Variants in C4orf17 observed in about 807,000 individuals in gnomAD.
The protein encoded by C4orf17 is uncharacterized protein C4orf17.
C4orf17 carries 25 observed loss-of-function variants against 32.0 expected under a neutral mutation model. That is an observed-to-expected ratio of 0.78 (90% CI 0.57 to 1.09). The LOEUF is 1.09. Among genes scored for constraint, C4orf17 ranks in the 50% least tolerant of loss-of-function variants. C4orf17 has a pLI of 0.00. For synonymous variants in C4orf17, 149 were observed against 145.8 expected (o/e 1.02, Z -0.16); for missense variants, 420 against 420.0 (o/e 1.00, Z 0.00).
intron 5 of C4orf17, among the ~76,000 whole-genome samples, chr4:99,535,624 C>G (rs1723548691): frequency 6.6e-6 from 1 of 152,112 alleles, no homozygotes; most frequent in African/African-American, 2.4e-5. Context: ...TTCTTGTTAT[C>G]AGCTTATGTA....
At chr4:99,528,035 T>C (rs1335853432) in intron 4 of C4orf17, among the ~76,000 whole-genome samples, 1 of 152,186 alleles carries the variant, frequency 6.6e-6, no homozygotes, top group Non-Finnish European at 1.5e-5. Flanking sequence ...TCTCCTTGAA[T>C]CAGTTTTTGG....
chr4:99,520,088 A>ATTT (rs1379757853), intron 2 of C4orf17, among the ~76,000 whole-genome samples: 1 of 125,558 alleles, frequency 8.0e-6, no homozygotes, highest in East Asian at 2.2e-4. Context: ...ACCCACATTT[A>ATTT]ATTTTTTTTT....
At chr4:99,519,042 C>T (rs1305132985) in intron 2 of C4orf17, among the ~76,000 whole-genome samples, 1 of 151,974 alleles carries the variant, frequency 6.6e-6, no homozygotes, top group Non-Finnish European at 1.5e-5. Context: ...CTTTTGGGAA[C>T]AACACTGATA....
chr4:99,527,501 G>C (rs113389669), intron 4 of C4orf17, among the ~76,000 whole-genome samples: 3,535 of 152,246 alleles, frequency 0.023, 108 homozygotes, highest in Middle Eastern at 0.1. Context: ...ATGGTGGGGT[G>C]GGGGGAATGG....
chr4:99,513,052 T>C lies in C4orf17; in HGVS notation c.-30T>C. On this transcript the variant is annotated 5_prime_UTR_variant, in exon 2 of 9. Coordinates refer to ENST00000326581, the MANE Select transcript of C4orf17 (RefSeq NM_032149.3). ...ACCCCAAAAACTTTTGTGACAACAG[T>C]GAAGAGGGGAAAATAAACACACCAC... The C allele has an allele frequency of 6.2e-7, 1 of 1,612,758 alleles. No individual in the cohort carries two copies. The highest frequency in any genetic ancestry group is 1.1e-5 in the South Asian group (1 of 91,036).
At chr4:99,540,386 C>T (rs1723635538) in intron 7 of C4orf17, 26 bp from the exon 8 acceptor site, 9 of 1,592,536 alleles carry the variant, frequency 5.7e-6, no homozygotes, top group Non-Finnish European at 7.7e-6. Context: ...GTGAAATTCA[C>T]TTTTTTCTTT....
At chr4:99,534,837 G>A (rs546098480) in intron 5 of C4orf17, among the ~76,000 whole-genome samples, 6 of 152,298 alleles carry the variant, frequency 3.9e-5, no homozygotes, top group South Asian at 2.1e-4. Context: ...GCTTCATAGC[G>A]TCACTGGTCT....
Position 99,524,550 on chromosome 4 carries a change from A to G in C4orf17, c.367A>G (p.Lys123Glu), listed in dbSNP as rs1026883422. 2.5e-6 allele frequency: 4 copies of G among 1,605,374 alleles called. No individual in the cohort carries two copies. Among genetic ancestry groups the G allele is most frequent in the Non-Finnish European group, 3.4e-6 (4 of 1,173,380 alleles). ...EPSRKIKECF[K>E]TSSENPLVIK... ...CAGTAGAAAAATTAAAGAGTGCTTC[A>G]AAACTTCCAGTGAGAATCCCTTAGT... is the stretch of plus-strand genomic sequence containing the variant. The change falls in exon 4 of 9, where the codon AAA becomes GAA. Residue 123 changes from lysine to glutamate, a missense_variant. Physicochemically the swap from Lys to Glu is moderately conservative, Grantham distance 56. Coordinates refer to ENST00000326581, the MANE Select transcript of C4orf17 (RefSeq NM_032149.3).
At chr4:99,533,161 A>G (rs1355367798) in intron 5 of C4orf17, among the ~76,000 whole-genome samples, 1 of 152,186 alleles carries the variant, frequency 6.6e-6, no homozygotes, top group East Asian at 1.9e-4. Context: ...CCAGCAAAGA[A>G]TTTTAAGCAC....
rs564728315 is a variant in C4orf17, at chr4:99,517,784, A to G, written c.127+4576A>G. Reference sequence around the variant, plus strand: ...GTTTCAAATACCCTCTATAGACCAAATATTTTTCAAATATGTATCTCAGAC... The same window carrying G: ...GTTTCAAATACCCTCTATAGACCAAGTATTTTTCAAATATGTATCTCAGAC... On this transcript the variant is annotated intron_variant, in intron 2 of 8. Coordinates refer to ENST00000326581, the MANE Select transcript of C4orf17 (RefSeq NM_032149.3). Among the ~76,000 whole-genome samples, 10 of 152,136 alleles carry G rather than the reference A, an allele frequency of 6.6e-5. 1 individual carries two copies. The highest frequency in any genetic ancestry group is 1.3e-4 in the Admixed American group (2 of 15,264).
intron 2 of C4orf17, among the ~76,000 whole-genome samples, chr4:99,521,314 G>A (rs1305867289): frequency 2.0e-5 from 3 of 152,002 alleles, no homozygotes; most frequent in Non-Finnish European, 2.9e-5. Context: ...GGGAGCACTG[G>A]CAGTGAGCAG....
At chr4:99,523,405 A>C (rs1386149484) in intron 3 of C4orf17, among the ~76,000 whole-genome samples, 1 of 152,246 alleles carries the variant, frequency 6.6e-6, no homozygotes, top group African/African-American at 2.4e-5. Context: ...AGTAAAATAT[A>C]TCTCTAAAGA....
At chr4:99,522,299 C>T (rs978467056) in intron 2 of C4orf17, among the ~76,000 whole-genome samples, 2 of 152,034 alleles carry the variant, frequency 1.3e-5, no homozygotes, top group Admixed American at 1.3e-4. Context: ...ATGTAATTGG[C>T]CACACTGACT....
At chr4:99,519,325 G>C (rs1244439482) in intron 2 of C4orf17, 2 of 152,444 alleles carry the variant, frequency 1.3e-5, no homozygotes, top group African/African-American at 4.8e-5. Context: ...CATATGTGGA[G>C]CTGGGGAGCT....
Position 99,529,895 on chromosome 4 carries a change from T to C in C4orf17, c.483T>C (p.Ser161=), listed in dbSNP as rs753225264. Reference sequence around the variant, plus strand: ...GCTCCTGTTCTTCAGGGATGACAAGTACCAAGAATGATGTGAAAGCAAACA... The same window carrying C: ...GCTCCTGTTCTTCAGGGATGACAAGCACCAAGAATGATGTGAAAGCAAACA... The part of the protein sequence containing the change: ...TPGSCSSGMT[S]TKNDVKANTI... The change falls in exon 5 of 9, where the codon AGT becomes AGC. Residue 161 remains serine, a synonymous_variant. Coordinates refer to ENST00000326581, the MANE Select transcript of C4orf17 (RefSeq NM_032149.3). 1 of 1,612,902 alleles carries C rather than the reference T, an allele frequency of 6.2e-7. No homozygotes were observed. The highest frequency in any genetic ancestry group is 8.5e-7 in the Non-Finnish European group (1 of 1,179,372).
In C4orf17 at chr4:99,518,159, C is replaced by T. The variant is rs182519803; in HGVS notation, c.128-4341C>T. Among the ~76,000 whole-genome samples, 116 of 152,196 alleles carry T rather than the reference C, an allele frequency of 7.6e-4. 3 individuals are homozygous for T. In the East Asian group the frequency reaches 0.019, roughly 24 times the overall value. On this transcript the variant is annotated intron_variant, in intron 2 of 8. Coordinates refer to ENST00000326581, the MANE Select transcript of C4orf17 (RefSeq NM_032149.3). ...CTGTTATCTCCTCCTTTGATGACTA[C>T]TTTGCAATCTGTAGCCCTCATAGCA...
chr4:99,523,680 A>T (rs1251965938), intron 3 of C4orf17, among the ~76,000 whole-genome samples: 3 of 152,192 alleles, frequency 2.0e-5, no homozygotes, highest in Non-Finnish European at 2.9e-5. Context: ...TCTATAGCAG[A>T]TGTGGGAAAA....
intron 2 of C4orf17, among the ~76,000 whole-genome samples, chr4:99,516,475 A>G (rs1364073543): frequency 1.3e-5 from 2 of 152,244 alleles, no homozygotes; most frequent in Admixed American, 1.3e-4. Context: ...TCAGCCATCT[A>G]TACGTTTATT....
At chr4:99,527,120 C>T (rs560505408) in intron 4 of C4orf17, among the ~76,000 whole-genome samples, 3 of 152,072 alleles carry the variant, frequency 2.0e-5, no homozygotes, top group Non-Finnish European at 4.4e-5. Flanking sequence ...GTTCAGAATA[C>T]TTCCTAATAT....
Sources: gnomAD v4.1 joint callset for allele counts (sites outside exome capture counted in the v4.1 genomes callset) on GRCh38, gnomAD v4.1.1 for gene constraint, MANE v1.5 for transcripts, NCBI Gene and HGNC (gene_info 2026-07-23, HGNC 2026-07-21) for gene names.